Variants in HMCN2 observed in about 807,000 individuals in gnomAD.
The protein encoded by HMCN2 is hemicentin-2.
Under a neutral mutation model 377.5 loss-of-function variants are expected in HMCN2, and 325 were observed. The observed-to-expected ratio is 0.86, with a 90% CI of 0.79 to 0.94. HMCN2 has a LOEUF of 0.94. Among genes scored for constraint, HMCN2 ranks in the 40% least tolerant of loss-of-function variants. The pLI is 0.00. For missense variants in HMCN2, 4,543 were observed against 4,725.3 expected, an observed-to-expected ratio of 0.96 and a Z score of 1.13; for synonymous variants, 2,007 against 2,046.8, an observed-to-expected ratio of 0.98 and a Z score of 0.53.
chr9:130,416,092 G>T (rs1564873964), intron 85 of HMCN2, among the ~76,000 whole-genome samples: 1 of 141,552 alleles, frequency 7.1e-6, no homozygotes, highest in African/African-American at 2.7e-5. Context: ...CAAAGTTCTA[G>T]AGGCTTTATT....
chr9:130,386,571 A>G lies in HMCN2; in HGVS notation c.9391+47A>G, dbSNP rs756654577. 2,151 of 1,225,070 alleles carry G rather than the reference A, an allele frequency of 1.8e-3. 1 individual carries two copies. Among genetic ancestry groups the G allele is most frequent in the Non-Finnish European group, 2.1e-3 (1,957 of 924,780 alleles). The allele number at this position is 1,225,070 out of a possible 1,614,324, so 75.9% of individuals were successfully genotyped here. On this transcript the variant is annotated intron_variant, in intron 61 of 97. Transcript: ENST00000683500. ...CCAACGTGACTGTGGAGCCCCTAGCAACACCCAGGGCTGCCAAGGAGGACA... is the reference window on the plus strand; with the variant it reads ...CCAACGTGACTGTGGAGCCCCTAGCGACACCCAGGGCTGCCAAGGAGGACA...
At chr9:130,300,732 C>T (rs114534691) in intron 8 of HMCN2, among the ~76,000 whole-genome samples, 1,635 of 152,350 alleles carry the variant, frequency 0.011, 26 homozygotes, top group Middle Eastern at 0.027. Context: ...CAATCTTTGG[C>T]CATGGTCTGT....
intron 46 of HMCN2, 50 bp downstream of exon 46, chr9:130,371,181 C>A: frequency 1.0e-6 from 1 of 958,288 alleles, no homozygotes; most frequent in Non-Finnish European, 1.2e-6. Flanking sequence ...GGGCTCTCTG[C>A]CTCTGACTCT....
rs1351346667 is a variant in HMCN2, at chr9:130,359,407, C to T, written c.5766C>T (p.Pro1922=). The part of the protein sequence containing the change: ...VTLECLASGV[P]PPDVSWFKGH... Reference sequence around the variant, plus strand: ...TGGAGTGTCTGGCTTCGGGCGTGCCCCCTCCTGGTAAGACCCCTCCTCTTG... The same window carrying T: ...TGGAGTGTCTGGCTTCGGGCGTGCCTCCTCCTGGTAAGACCCCTCCTCTTG... Residue 1922 remains proline (P), a synonymous_variant, in exon 37 of 98, where the codon CCC becomes CCT. Transcript: ENST00000683500. The T allele has an allele frequency of 7.7e-7, 1 of 1,301,540 alleles. No homozygotes were observed. The highest frequency in any genetic ancestry group is 1.0e-6 in the Non-Finnish European group (1 of 986,738). 80.6% of individuals were successfully genotyped at this position (1,301,540 alleles called of 1,614,324 possible).
chr9:130,433,319 G>C, intron 97 of HMCN2, 29 bp from the exon 98 acceptor site: 1 of 1,400,974 alleles, frequency 7.1e-7, no homozygotes, highest in South Asian at 1.5e-5. Flanking sequence ...CCCCGAGTCC[G>C]CCTGTCCGTG....
chr9:130,365,426 G>T (rs1313638066), intron 41 of HMCN2, among the ~76,000 whole-genome samples: 2 of 152,226 alleles, frequency 1.3e-5, no homozygotes, highest in Non-Finnish European at 2.9e-5. Context: ...CCATCGAGGG[G>T]GCCCTTCTCA....
chr9:130,309,540 A>G (rs1187042396), intron 14 of HMCN2, among the ~76,000 whole-genome samples: 15 of 147,946 alleles, frequency 1.0e-4, no homozygotes, highest in Middle Eastern at 3.5e-3. Context: ...AAAAAAAAGG[A>G]AAAAAAAGAA....
chr9:130,370,174 G>T (rs1429659871), intron 45 of HMCN2, among the ~76,000 whole-genome samples: 3 of 152,158 alleles, frequency 2.0e-5, no homozygotes, highest in Non-Finnish European at 2.9e-5. Flanking sequence ...ATGTGATGGG[G>T]AGAATTCAGG....
chr9:130,357,821 T>C lies in HMCN2; in HGVS notation c.5426-13T>C. The C allele has an allele frequency of 2.3e-6, 3 of 1,300,616 alleles. No homozygotes were observed. Among genetic ancestry groups the C allele is most frequent in the Non-Finnish European group, 3.0e-6 (3 of 986,744 alleles). The allele number at this position is 1,300,616 out of a possible 1,614,324, so 80.6% of individuals were successfully genotyped here. ...TTCTGACTCGGGCTCTTCCTGACTC[T>C]TTCCCTTCCCAGAGTTCCCATCGGT... is the stretch of plus-strand genomic sequence containing the variant. On this transcript the variant is annotated splice_polypyrimidine_tract_variant and intron_variant, in intron 34 of 97. Coordinates refer to ENST00000683500, the MANE Select transcript of HMCN2 (RefSeq NM_001291815.2).
chr9:130,273,534 C>T (rs1834512908), intron 1 of HMCN2, among the ~76,000 whole-genome samples: 1 of 151,838 alleles, frequency 6.6e-6, no homozygotes, highest in Non-Finnish European at 1.5e-5. Context: ...GTCTCACTCT[C>T]TTGCCCAGGC....
intron 34 of HMCN2, among the ~76,000 whole-genome samples, 188 bp downstream of exon 34, chr9:130,356,445 A>C (rs766148811): frequency 1.5e-4 from 23 of 152,014 alleles, no homozygotes; most frequent in Non-Finnish European, 3.2e-4. Context: ...TATCACACTT[A>C]TCCTCAGTCC....
Position 130,428,514 on chromosome 9 carries a change from T to C in HMCN2, c.14197+25T>C, listed in dbSNP as rs1195302848. On this transcript the variant is annotated intron_variant, in intron 93 of 97. Coordinates refer to ENST00000683500, the MANE Select transcript of HMCN2 (RefSeq NM_001291815.2). This position sits in a 1 kb window ranked among gnomAD's most constrained non-coding sequence, Gnocchi z 5.0. ...GGTGATGGGGGCACAGCATGCGGCC[T>C]GTCCATACTCCTGGAAACCCAGAGG... 2.6e-6 allele frequency: 4 copies of C among 1,536,284 alleles called. No individual in the cohort carries two copies. In the African/African-American group the frequency reaches 4.1e-5, roughly 16 times the overall value.
chr9:130,315,213 CT>C (rs1564777389), intron 15 of HMCN2, among the ~76,000 whole-genome samples: 1 of 2,946 alleles, frequency 3.4e-4, no homozygotes. Context: ...CTCCCCTCCC[CT>C]CCCTCCCCTC....
In HMCN2 at chr9:130,433,940, G is replaced by A; in HGVS notation, c.*247G>A. On this transcript the variant is annotated 3_prime_UTR_variant, in exon 98 of 98. Coordinates refer to ENST00000683500, the MANE Select transcript of HMCN2 (RefSeq NM_001291815.2). ...AGTCCCGCAGGCAGGGCCCGGGGAA[G>A]CCCGGATCAGACCTCCAGGTCTGAT... 1 of 439,544 alleles carries A rather than the reference G, an allele frequency of 2.3e-6. No individual in the cohort carries two copies. The highest frequency in any genetic ancestry group is 3.9e-5 in the East Asian group (1 of 25,954). The allele number at this position is 439,544 out of a possible 1,614,324, so 27.2% of individuals were successfully genotyped here.
At chr9:130,309,872 C>A (rs1837130519) in intron 14 of HMCN2, 40 bp from the exon 15 acceptor site, 1 of 434,500 alleles carries the variant, frequency 2.3e-6, no homozygotes, top group Non-Finnish European at 4.8e-6. Flanking sequence ...CTCCATGGTA[C>A]CAGGGACACC....
intron 4 of HMCN2, among the ~76,000 whole-genome samples, chr9:130,292,833 C>T (rs1199507136): frequency 6.6e-6 from 1 of 152,138 alleles, no homozygotes; most frequent in East Asian, 1.9e-4. Context: ...CTGCCCCAGA[C>T]CTGGAATTAG....
At chr9:130,285,449 G>T (rs936672234) in intron 3 of HMCN2, 133 bp downstream of exon 3, 52 of 375,572 alleles carry the variant, frequency 1.4e-4, no homozygotes, top group Non-Finnish European at 2.6e-4. Flanking sequence ...CTTGGGTCCA[G>T]CCTCTGCCAT....
intron 84 of HMCN2, among the ~76,000 whole-genome samples, chr9:130,409,148 C>T (rs1439295310): frequency 2.0e-5 from 3 of 152,166 alleles, no homozygotes; most frequent in Non-Finnish European, 2.9e-5. Flanking sequence ...TTCAATGGAG[C>T]GAATTAGTTC....
intron 4 of HMCN2, among the ~76,000 whole-genome samples, chr9:130,289,212 C>T (rs913643554): frequency 5.9e-5 from 9 of 152,208 alleles, no homozygotes; most frequent in Non-Finnish European, 8.8e-5. Flanking sequence ...CGTTCCAGCA[C>T]GGCTGGTTCT....
Sources: gnomAD v4.1 joint callset for allele counts (sites outside exome capture counted in the v4.1 genomes callset) on GRCh38, gnomAD v4.1.1 for gene constraint, Gnocchi (gnomAD v3.1) non-coding constraint, MANE v1.5 for transcripts, NCBI Gene and HGNC (gene_info 2026-07-23, HGNC 2026-07-21) for gene names.